Variants in LUZP2 observed in about 807,000 individuals in gnomAD.
LUZP2 encodes the protein leucine zipper protein 2.
A neutral mutation model predicts 51.6 loss-of-function variants in LUZP2; 52 were observed. The observed-to-expected ratio is 1.01, with a 90% CI of 0.81 to 1.27. The LOEUF (loss-of-function observed/expected upper bound fraction) is 1.27, where lower values mean the gene tolerates loss of function less well. Ranked by LOEUF, LUZP2 falls within the 50% of genes most tolerant of loss-of-function variation. The probability of loss-of-function intolerance (pLI) is 0.00; values close to 1 mark genes in which losing one functional copy is unlikely to be tolerated. For missense variants in LUZP2, 436 were observed against 395.4 expected, an observed-to-expected ratio of 1.10 and a Z score of -0.87; for synonymous variants, 154 against 137.3, an observed-to-expected ratio of 1.12 and a Z score of -0.85.
intron 5 of LUZP2, among the ~76,000 whole-genome samples, chr11:24,881,955 C>A: frequency 6.6e-6 from 1 of 151,736 alleles, no homozygotes. Flanking sequence ...AGTGAATATT[C>A]ATGATTTTAT....
intron 5 of LUZP2, among the ~76,000 whole-genome samples, chr11:24,835,204 G>A (rs1028814647): frequency 1.3e-5 from 2 of 152,076 alleles, no homozygotes; most frequent in African/African-American, 4.8e-5. Context: ...AACAAGGAAT[G>A]GGGAAAGGAT....
At chr11:24,895,682 C>G (rs1474053217) in intron 5 of LUZP2, among the ~76,000 whole-genome samples, 1 of 152,174 alleles carries the variant, frequency 6.6e-6, no homozygotes, top group Admixed American at 6.5e-5. Flanking sequence ...CTGCAAAGGA[C>G]AAGACTTCCT....
At chr11:25,069,448 C>T (rs1346306041) in intron 10 of LUZP2, among the ~76,000 whole-genome samples, 1 of 151,856 alleles carries the variant, frequency 6.6e-6, no homozygotes, top group African/African-American at 2.4e-5. Flanking sequence ...TTATGGTGTA[C>T]TAATTCATAA....
At chr11:25,070,813 G>A (rs1219594148) in intron 10 of LUZP2, among the ~76,000 whole-genome samples, 6 of 146,442 alleles carry the variant, frequency 4.1e-5, no homozygotes, top group Non-Finnish European at 6.0e-5. Flanking sequence ...GTGTGTGTGT[G>A]TGTTACTGAA....
At chr11:24,647,270 C>T (rs530752952) in intron 1 of LUZP2, among the ~76,000 whole-genome samples, 57 of 151,850 alleles carry the variant, frequency 3.8e-4, no homozygotes, top group African/African-American at 1.4e-3. Flanking sequence ...ATTTTTCTAC[C>T]TTCAATCATT....
chr11:24,797,026 A>G (rs1205230215), intron 5 of LUZP2, among the ~76,000 whole-genome samples: 1 of 152,132 alleles, frequency 6.6e-6, no homozygotes, highest in Non-Finnish European at 1.5e-5. Context: ...ATCATTCCCT[A>G]GCTGCGTGAC....
At chr11:25,000,125 A>G (rs571792685) in intron 9 of LUZP2, among the ~76,000 whole-genome samples, 12 of 146,770 alleles carry the variant, frequency 8.2e-5, no homozygotes, top group African/African-American at 2.9e-4. Context: ...AGCTAGACAC[A>G]AAGTGCTGAT....
chr11:24,527,018 A>G (rs796368631), intron 1 of LUZP2, among the ~76,000 whole-genome samples: 13 of 151,434 alleles, frequency 8.6e-5, no homozygotes, highest in African/African-American at 3.1e-4. Context: ...GAGGAATCCA[A>G]TTTTGATGCT....
At chr11:24,890,227 C>A (rs1479430322) in intron 5 of LUZP2, among the ~76,000 whole-genome samples, 1 of 152,096 alleles carries the variant, frequency 6.6e-6, no homozygotes, top group Non-Finnish European at 1.5e-5. Flanking sequence ...GATACAGAGT[C>A]TCAAATTCTG....
At chr11:24,847,166 A>G (rs1403995358) in intron 5 of LUZP2, among the ~76,000 whole-genome samples, 1 of 152,018 alleles carries the variant, frequency 6.6e-6, no homozygotes, top group South Asian at 2.1e-4. Context: ...ATACATAGCT[A>G]CAATAATCAT....
chr11:24,514,580 A>AG (rs1255614216), intron 1 of LUZP2, among the ~76,000 whole-genome samples: 5 of 152,190 alleles, frequency 3.3e-5, no homozygotes, highest in Non-Finnish European at 4.4e-5. Context: ...GGGGAATTGC[A>AG]GGGTACCATC....
At chr11:25,047,527 C>A (rs930963250) in intron 9 of LUZP2, among the ~76,000 whole-genome samples, 1 of 151,930 alleles carries the variant, frequency 6.6e-6, no homozygotes, top group Non-Finnish European at 1.5e-5. Context: ...TTGCTAAAAA[C>A]ATACCTTTTC....
At chr11:24,904,473 C>T (rs985195142) in intron 5 of LUZP2, among the ~76,000 whole-genome samples, 16 of 151,852 alleles carry the variant, frequency 1.1e-4, no homozygotes, top group Non-Finnish European at 1.6e-4. Context: ...TTAGTAGAGA[C>T]GGGGTTTCAC....
At chr11:24,760,754 G>A (rs942069841) in intron 4 of LUZP2, among the ~76,000 whole-genome samples, 1 of 152,124 alleles carries the variant, frequency 6.6e-6, no homozygotes, top group Non-Finnish European at 1.5e-5. Context: ...CTGTTAGGTG[G>A]TACTGGAACT....
intron 5 of LUZP2, among the ~76,000 whole-genome samples, chr11:24,875,003 A>G (rs1180041945): frequency 6.6e-6 from 1 of 152,158 alleles, no homozygotes; most frequent in Non-Finnish European, 1.5e-5. Flanking sequence ...TGCTGGGGCC[A>G]TGTTCCTAAG....
intron 5 of LUZP2, among the ~76,000 whole-genome samples, chr11:24,814,600 A>G (rs2134142946): frequency 6.6e-6 from 1 of 152,318 alleles, no homozygotes; most frequent in South Asian, 2.1e-4. Context: ...ATCGACCCAC[A>G]CAGCTAAAGT....
intron 1 of LUZP2, among the ~76,000 whole-genome samples, chr11:24,680,944 C>A (rs1406022751): frequency 6.6e-6 from 1 of 151,286 alleles, no homozygotes; most frequent in African/African-American, 2.4e-5. Flanking sequence ...AACTTGAACA[C>A]TCTTTATGAG....
intron 7 of LUZP2, among the ~76,000 whole-genome samples, chr11:24,929,289 G>C (rs148672183): frequency 6.6e-6 from 1 of 151,842 alleles, no homozygotes; most frequent in Non-Finnish European, 1.5e-5. Flanking sequence ...TGTTTCTCTA[G>C]TTCCTTGAGG....
chr11:24,602,069 TATGC>T (rs1312705079), intron 1 of LUZP2, among the ~76,000 whole-genome samples: 15 of 85,898 alleles, frequency 1.7e-4, no homozygotes, highest in Admixed American at 5.3e-4. Flanking sequence ...TGTGTATATA[TATGC>T]GTATATATGT....
Sources: allele counts gnomAD v4.1 joint callset (sites outside exome capture counted in the v4.1 genomes callset), GRCh38; gene constraint gnomAD v4.1.1; transcripts MANE v1.5; gene names NCBI Gene and HGNC (gene_info 2026-07-23, HGNC 2026-07-21).